Variants in PHACTR1 observed in about 807,000 individuals in gnomAD.
PHACTR1 encodes the protein phosphatase and actin regulator 1, also known as RPEL repeat containing 1.
PHACTR1 carries 16 observed loss-of-function variants against 69.2 expected under a neutral mutation model. The ratio of observed to expected loss-of-function variants is 0.23; its 90% CI spans 0.16 to 0.35. PHACTR1 has a LOEUF of 0.35. PHACTR1 is among the 10% of genes least tolerant of loss of function. The pLI is 1.00. For missense variants in PHACTR1, 510 were observed against 734.7 expected, an observed-to-expected ratio of 0.69 and a Z score of 3.54; for synonymous variants, 312 against 284.5, an observed-to-expected ratio of 1.10 and a Z score of -0.97.
intron 5 of PHACTR1, among the ~76,000 whole-genome samples, chr6:13,115,772 C>G (rs1275695646): frequency 6.6e-6 from 1 of 152,134 alleles, no homozygotes; most frequent in African/African-American, 2.4e-5. Context: ...AGAAGGGGTG[C>G]TTTCAGTGAG....
intron 4 of PHACTR1, among the ~76,000 whole-genome samples, chr6:12,909,348 T>A (rs1182646884): frequency 2.6e-5 from 4 of 152,214 alleles, no homozygotes; most frequent in Admixed American, 2.6e-4. Context: ...GGTGCCGTCT[T>A]AAACTGCAAT....
At chr6:13,110,919 T>C (rs575989755) in intron 5 of PHACTR1, among the ~76,000 whole-genome samples, 1 of 152,262 alleles carries the variant, frequency 6.6e-6, no homozygotes, top group South Asian at 2.1e-4. Flanking sequence ...TTTTTGTTTT[T>C]TGTTTTTTGT....
intron 4 of PHACTR1, among the ~76,000 whole-genome samples, chr6:12,757,232 AGT>A (rs1481692526): frequency 6.6e-6 from 1 of 152,124 alleles, no homozygotes; most frequent in Non-Finnish European, 1.5e-5. Flanking sequence ...TGGGGAGCAG[AGT>A]GAGAGAGAGC....
intron 5 of PHACTR1, among the ~76,000 whole-genome samples, chr6:13,144,294 G>A (rs1167778605): frequency 6.6e-6 from 1 of 152,072 alleles, no homozygotes; most frequent in East Asian, 1.9e-4. Flanking sequence ...ACATAATTAT[G>A]TACCTACAAG....
chr6:13,006,226 C>G (rs920571791), intron 4 of PHACTR1, among the ~76,000 whole-genome samples: 1 of 152,230 alleles, frequency 6.6e-6, no homozygotes, highest in Non-Finnish European at 1.5e-5. Flanking sequence ...AGCAGCGATG[C>G]TCGGCATGGC....
At chr6:13,174,716 TTC>T (rs34927928) in intron 6 of PHACTR1, among the ~76,000 whole-genome samples, 7 of 150,162 alleles carry the variant, frequency 4.7e-5, no homozygotes, top group South Asian at 2.1e-4. Context: ...ATCACATACA[TTC>T]TCTCTCTCTC....
chr6:12,812,666 G>C (rs906718404), intron 4 of PHACTR1, among the ~76,000 whole-genome samples: 1 of 152,118 alleles, frequency 6.6e-6, no homozygotes, highest in South Asian at 2.1e-4. Flanking sequence ...ACTTCCCATC[G>C]TCATGCCTTT....
chr6:13,158,707 G>A (rs1244333877), intron 5 of PHACTR1, among the ~76,000 whole-genome samples: 4 of 152,204 alleles, frequency 2.6e-5, no homozygotes, highest in Non-Finnish European at 5.9e-5. Context: ...CTGGGCTGAG[G>A]CATCAGTGTT....
chr6:12,899,492 C>T (rs1784985634), intron 4 of PHACTR1, among the ~76,000 whole-genome samples: 1 of 152,134 alleles, frequency 6.6e-6, no homozygotes, highest in African/African-American at 2.4e-5. Context: ...ATGAATAAAA[C>T]TATAATTAAA....
chr6:13,046,313 T>C (rs972693670), intron 4 of PHACTR1, among the ~76,000 whole-genome samples: 6 of 152,172 alleles, frequency 3.9e-5, no homozygotes, highest in Admixed American at 6.5e-5. Flanking sequence ...AGTCATCCAG[T>C]TTTTGGATTC....
intron 3 of PHACTR1, among the ~76,000 whole-genome samples, chr6:12,735,104 G>A (rs1764061931): frequency 6.6e-6 from 1 of 152,146 alleles, no homozygotes; most frequent in South Asian, 2.1e-4. Flanking sequence ...CACGAGGTTG[G>A]CTGGGGCTGT....
At chr6:12,801,175 A>G (rs1403183521) in intron 4 of PHACTR1, among the ~76,000 whole-genome samples, 1 of 152,224 alleles carries the variant, frequency 6.6e-6, no homozygotes, top group Admixed American at 6.5e-5. Flanking sequence ...GCATGTTAAT[A>G]TATTTTGATA....
In PHACTR1 at chr6:13,272,535, A is replaced by G. The variant is rs1210315605; in HGVS notation, c.1392-325A>G. On this transcript the variant is annotated intron_variant, in intron 10 of 14. Transcript: ENST00000332995. ...GTCCCCAAGTTAGGAGGCCACAAGG[A>G]AAGAAAAGGACTTCTGTGAAGAAAA... is the stretch of plus-strand genomic sequence containing the variant. 4.1e-5 allele frequency: 20 copies of G among 485,920 alleles called. No individual in the cohort carries two copies. In the East Asian group the frequency reaches 8.7e-4, roughly 21 times the overall value. The allele number at this position is 485,920 out of a possible 1,614,324, so 30.1% of individuals were successfully genotyped here.
intron 5 of PHACTR1, among the ~76,000 whole-genome samples, chr6:13,133,817 T>TC (rs1263846025): frequency 6.7e-6 from 1 of 149,754 alleles, no homozygotes; most frequent in East Asian, 2.0e-4. Context: ...GAGGAGCGTC[T>TC]CTGCCCAGCC....
intron 5 of PHACTR1, among the ~76,000 whole-genome samples, chr6:13,144,999 A>T (rs1823112112): frequency 6.6e-6 from 1 of 152,234 alleles, no homozygotes; most frequent in Non-Finnish European, 1.5e-5. Context: ...TAATTCAAGG[A>T]AAAAATTACT....
chr6:13,003,160 C>A (rs761442381), intron 4 of PHACTR1, among the ~76,000 whole-genome samples: 51 of 152,130 alleles, frequency 3.4e-4, no homozygotes, highest in Non-Finnish European at 6.2e-4. Context: ...GGAAGAAGGA[C>A]TTCACATAGT....
intron 4 of PHACTR1, among the ~76,000 whole-genome samples, chr6:12,998,765 C>T (rs1582893191): frequency 6.6e-6 from 1 of 151,644 alleles, no homozygotes; most frequent in East Asian, 1.9e-4. Context: ...ACACATAAAG[C>T]CAAAAACAAT....
At chr6:13,049,277 A>G (rs183793379) in intron 4 of PHACTR1, among the ~76,000 whole-genome samples, 86 of 152,282 alleles carry the variant, frequency 5.6e-4, no homozygotes, top group African/African-American at 2.0e-3. Context: ...GTAACGATAC[A>G]TATTTTCATA....
chr6:13,002,840 G>A (rs958473639), intron 4 of PHACTR1, among the ~76,000 whole-genome samples: 17 of 152,160 alleles, frequency 1.1e-4, no homozygotes, highest in African/African-American at 7.2e-5. Context: ...GAGTTATGCC[G>A]GTAAGTCACA....
Sources: allele counts gnomAD v4.1 joint callset (sites outside exome capture counted in the v4.1 genomes callset), GRCh38; gene constraint gnomAD v4.1.1; transcripts MANE v1.5; gene names NCBI Gene and HGNC (gene_info 2026-07-23, HGNC 2026-07-21).